Variants in PDS5A observed in about 807,000 individuals in gnomAD.
PDS5A encodes the protein sister chromatid cohesion protein PDS5 homolog A.
In PDS5A, 42 loss-of-function variants were observed where a neutral mutation model predicts 167.1. That is an observed-to-expected ratio of 0.25 (90% CI 0.20 to 0.33). The LOEUF (loss-of-function observed/expected upper bound fraction) is 0.33. Ranked by LOEUF, PDS5A falls within the 10% of genes least tolerant of loss-of-function variation. The pLI is 1.00. For missense variants in PDS5A, 1,033 were observed against 1,605.9 expected, an observed-to-expected ratio of 0.64 and a Z score of 6.10; for synonymous variants, 553 against 554.6, an observed-to-expected ratio of 1.00 and a Z score of 0.04.
intron 8 of PDS5A, 21 bp downstream of exon 8, chr4:39,917,027 A>C: frequency 7.1e-7 from 1 of 1,405,592 alleles, no homozygotes; most frequent in East Asian, 2.8e-5. Context: ...AAAAAAAAAA[A>C]AGAAAACTGG....
intron 32 of PDS5A, among the ~76,000 whole-genome samples, chr4:39,832,905 C>A (rs570117777): frequency 6.6e-6 from 1 of 151,926 alleles, no homozygotes; most frequent in Admixed American, 6.6e-5. Context: ...CCTGTAATCC[C>A]AGCACTTTGG....
At chr4:39,855,873 T>C (rs895888359) in intron 26 of PDS5A, among the ~76,000 whole-genome samples, 1 of 152,104 alleles carries the variant, frequency 6.6e-6, no homozygotes, top group Admixed American at 6.5e-5. Context: ...TTAGACATCA[T>C]GGAATTTCCA....
chr4:39,924,481 T>C (rs1209784238), intron 5 of PDS5A, among the ~76,000 whole-genome samples: 2 of 152,240 alleles, frequency 1.3e-5, no homozygotes, highest in African/African-American at 4.8e-5. Flanking sequence ...GGAGTGATCC[T>C]TTCCTGTTTG....
intron 32 of PDS5A, among the ~76,000 whole-genome samples, chr4:39,832,606 TGGGGCAGGAAGATTGCTTG>T (rs1018227990): frequency 9.9e-5 from 15 of 152,056 alleles, no homozygotes; most frequent in South Asian, 2.1e-4. Context: ...GTTTGAGGGC[TGGGGCAGGAAGATTGCTTG>T]GGGGCAGGAA....
intron 26 of PDS5A, among the ~76,000 whole-genome samples, chr4:39,854,041 C>T (rs554972038): frequency 6.6e-6 from 1 of 152,308 alleles, no homozygotes; most frequent in South Asian, 2.1e-4. Flanking sequence ...GTGGCTCACG[C>T]CTGTAATCCC....
intron 2 of PDS5A, among the ~76,000 whole-genome samples, chr4:39,951,557 T>C (rs989659367): frequency 1.3e-5 from 2 of 152,136 alleles, no homozygotes; most frequent in Non-Finnish European, 2.9e-5. Context: ...GCATTAAGTG[T>C]TAATGGCTCA....
chr4:39,914,166 T>TG, intron 8 of PDS5A, among the ~76,000 whole-genome samples: 1 of 150,338 alleles, frequency 6.7e-6, no homozygotes, highest in African/African-American at 2.5e-5. Flanking sequence ...AAATTTGTTT[T>TG]TTTTTTTTTT....
In PDS5A at chr4:39,931,264, C is replaced by CT. The variant is rs111975524; in HGVS notation, c.139-3101dup. ...CCACCACACCTGGCTAGGTTTTGTA[C>CT]TTTTTTTTTTTTGTAGGATGGGATT... On this transcript the variant is annotated intron_variant, in intron 2 of 32. Transcript: ENST00000303538. 5.4e-3 allele frequency among the ~76,000 whole-genome samples: 789 copies of CT among 145,754 alleles called. 3 individuals carry two copies. Among genetic ancestry groups the CT allele is most frequent in the Middle Eastern group, 0.011 (3 of 282 alleles).
chr4:39,894,252 AC>A (rs1175496660), intron 16 of PDS5A, among the ~76,000 whole-genome samples: 2 of 152,076 alleles, frequency 1.3e-5, no homozygotes, highest in Non-Finnish European at 2.9e-5. Flanking sequence ...TACTAAAAAT[AC>A]AAAAATTAGT....
intron 16 of PDS5A, among the ~76,000 whole-genome samples, chr4:39,893,099 T>TA (rs1317351669): frequency 6.6e-6 from 1 of 152,220 alleles, no homozygotes; most frequent in African/African-American, 2.4e-5. Context: ...ACTGTTTCAT[T>TA]AAATGTCAAA....
intron 19 of PDS5A, among the ~76,000 whole-genome samples, 171 bp from the exon 20 acceptor site, chr4:39,874,583 T>A (rs1720312787): frequency 6.6e-6 from 1 of 152,132 alleles, no homozygotes; most frequent in African/African-American, 2.4e-5. Flanking sequence ...CCCCCAAGTA[T>A]AAACCAAGAA....
intron 2 of PDS5A, among the ~76,000 whole-genome samples, chr4:39,939,504 C>G (rs890176712): frequency 6.6e-6 from 1 of 150,966 alleles, no homozygotes; most frequent in Non-Finnish European, 1.5e-5. Flanking sequence ...TTTTAAATAG[C>G]TTTACTGCGG....
At chr4:39,963,649 T>C (rs1729705467) in intron 2 of PDS5A, among the ~76,000 whole-genome samples, 2 of 152,036 alleles carry the variant, frequency 1.3e-5, no homozygotes, top group Non-Finnish European at 2.9e-5. Flanking sequence ...CTGGGAAACA[T>C]GGCAAAACCC....
intron 2 of PDS5A, among the ~76,000 whole-genome samples, chr4:39,974,818 T>G (rs1401380692): frequency 2.0e-5 from 3 of 152,114 alleles, no homozygotes; most frequent in African/African-American, 7.2e-5. Flanking sequence ...AAGATTTGTT[T>G]TAATGAAAGG....
At chr4:39,930,246 A>AAAAAAAAAAAAAAATTTTTTT in intron 2 of PDS5A, among the ~76,000 whole-genome samples, 12 of 93,164 alleles carry the variant, frequency 1.3e-4, no homozygotes, top group Non-Finnish European at 2.2e-4. Flanking sequence ...AAAAAAAAAA[A>AAAAAAAAAAAAAAATTTTTTT]GTTTTTTTGT....
chr4:39,845,904 GAAAA>G, intron 28 of PDS5A, 24 bp from the exon 29 acceptor site: 4 of 1,289,332 alleles, frequency 3.1e-6, no homozygotes, highest in South Asian at 2.0e-5. Context: ...AAAAGAAAAA[GAAAA>G]AAGAAACACC....
At chr4:39,825,611 T>A in intron 32 of PDS5A, 123 bp from the exon 33 acceptor site, 1 of 696,156 alleles carries the variant, frequency 1.4e-6, no homozygotes. Context: ...AACTTAAGCA[T>A]CAGGATCTCA....
chr4:39,946,689 C>T (rs1035355963), intron 2 of PDS5A, among the ~76,000 whole-genome samples: 2 of 151,968 alleles, frequency 1.3e-5, no homozygotes, highest in South Asian at 2.1e-4. Context: ...CCAAGACAAG[C>T]GGATCACTTG....
intron 30 of PDS5A, among the ~76,000 whole-genome samples, chr4:39,842,854 CAT>C (rs1269643930): frequency 1.4e-5 from 2 of 138,184 alleles, no homozygotes; most frequent in Non-Finnish European, 3.0e-5. Context: ...TTAAAATAAA[CAT>C]GGAATATTTT....
Sources: allele counts gnomAD v4.1 joint callset (sites outside exome capture counted in the v4.1 genomes callset), GRCh38; gene constraint gnomAD v4.1.1; transcripts MANE v1.5; gene names NCBI Gene and HGNC (gene_info 2026-07-23, HGNC 2026-07-21).